The following TET1 variants were observed in gnomAD, a reference collection of about 807,000 sequenced individuals.
TET1 encodes the protein methylcytosine dioxygenase TET1.
Under a neutral mutation model 148.7 loss-of-function variants are expected in TET1, and 13 were observed. That is an observed-to-expected ratio of 0.09 (90% CI 0.06 to 0.14). The LOEUF is 0.14. Among genes scored for constraint, TET1 ranks in the 10% least tolerant of loss-of-function variants. The pLI is 1.00. For missense variants in TET1, 2,182 were observed against 2,553.8 expected, an observed-to-expected ratio of 0.85 and a Z score of 3.14; for synonymous variants, 907 against 937.2, an observed-to-expected ratio of 0.97 and a Z score of 0.59.
intron 3 of TET1, among the ~76,000 whole-genome samples, chr10:68,625,355 T>C (rs1220405398): frequency 6.6e-6 from 1 of 152,158 alleles, no homozygotes; most frequent in Admixed American, 6.6e-5. Flanking sequence ...TTATTAATAT[T>C]CAGATGTAGA....
At position 68,662,153 on chromosome 10, in the gene TET1, T is replaced by A. The variant is rs572480683; in HGVS notation, c.4462-4892T>A. Reference sequence around the variant, plus strand: ...GCCTCACAAATTGCTGGGACAGGCTTGAACCACTGTGCCCTGCCCTAATTT... The same window carrying A: ...GCCTCACAAATTGCTGGGACAGGCTAGAACCACTGTGCCCTGCCCTAATTT... On this transcript the variant is annotated intron_variant, in intron 6 of 11. Coordinates refer to ENST00000373644, the MANE Select transcript of TET1 (RefSeq NM_030625.3). Among the ~76,000 whole-genome samples, 5 of 149,622 alleles carry A rather than the reference T, an allele frequency of 3.3e-5. No individual in the cohort carries two copies. In the East Asian group the frequency reaches 5.9e-4, roughly 18 times the overall value.
intron 8 of TET1, among the ~76,000 whole-genome samples, chr10:68,679,876 G>A (rs186977807): frequency 1.3e-5 from 2 of 152,258 alleles, no homozygotes; most frequent in East Asian, 3.9e-4. Context: ...GTTTCACCTT[G>A]TTGGCCAGGC....
chr10:68,632,103 T>G (rs2054580724), intron 3 of TET1, among the ~76,000 whole-genome samples: 1 of 151,922 alleles, frequency 6.6e-6, no homozygotes, highest in South Asian at 2.1e-4. Flanking sequence ...GGCGGGTGGA[T>G]CACGATGTCA....
chr10:68,572,105 G>A (rs1191195222), intron 1 of TET1, 112 bp from the exon 2 acceptor site: 1 of 438,628 alleles, frequency 2.3e-6, no homozygotes, highest in Non-Finnish European at 4.0e-6. Context: ...GCAACAGAAT[G>A]AGACCCTGTC....
intron 6 of TET1, among the ~76,000 whole-genome samples, chr10:68,662,920 C>T (rs1317941321): frequency 4.0e-5 from 6 of 151,882 alleles, no homozygotes; most frequent in Non-Finnish European, 7.4e-5. Context: ...GACACTGTCT[C>T]CAAAAGGAAA....
chr10:68,660,626 C>G (rs2055093943), intron 6 of TET1, among the ~76,000 whole-genome samples: 2 of 142,466 alleles, frequency 1.4e-5, no homozygotes, highest in Middle Eastern at 4.5e-3. Context: ...ACAGGTGTGC[C>G]TGGCCAATTT....
intron 6 of TET1, among the ~76,000 whole-genome samples, chr10:68,656,172 T>A (rs2055018412): frequency 6.6e-6 from 1 of 152,172 alleles, no homozygotes; most frequent in South Asian, 2.1e-4. Flanking sequence ...TTATTATATA[T>A]TACAATGTAA....
chr10:68,639,443 T>G (rs1481410785), intron 3 of TET1, among the ~76,000 whole-genome samples: 1 of 79,648 alleles, frequency 1.3e-5, no homozygotes, highest in Admixed American at 1.4e-4. Context: ...TTACTATTAT[T>G]ATTACTACTA....
intron 6 of TET1, among the ~76,000 whole-genome samples, chr10:68,661,446 A>T (rs1313916413): frequency 6.6e-6 from 1 of 151,614 alleles, no homozygotes; most frequent in Non-Finnish European, 1.5e-5. Context: ...CTTAGAGATT[A>T]TAATTTTTAG....
At chr10:68,585,082 G>A (rs1194341399) in intron 2 of TET1, among the ~76,000 whole-genome samples, 2 of 152,108 alleles carry the variant, frequency 1.3e-5, no homozygotes, top group African/African-American at 4.8e-5. Flanking sequence ...TTGGCTCACT[G>A]AATCCTCTGC....
chr10:68,573,185 T>A lies in TET1; in HGVS notation c.847T>A (p.Ser283Thr). 6.2e-6 allele frequency: 10 copies of A among 1,614,162 alleles called. No homozygotes were observed. Among genetic ancestry groups the A allele is most frequent in the Non-Finnish European group, 8.5e-6 (10 of 1,180,014 alleles). ...LGSRVESLKL[S>T]DSYLDPIKSE... ...TTCACGAGTAGAATCTCTTAAGTTA[T>A]CTGATTCTTACCTGGATCCCATTAA... Residue 283 changes from serine to threonine, a missense_variant, in exon 2 of 12, where the codon TCT becomes ACT. Transcript: ENST00000373644.
At chr10:68,690,753 C>A in intron 11 of TET1, 55 bp from the exon 12 acceptor site, 1 of 1,498,744 alleles carries the variant, frequency 6.7e-7, no homozygotes, top group Admixed American at 2.2e-5. Context: ...TTTTAAAAGG[C>A]AACCCCTACC....
chr10:68,568,217 CTTTTTTTTTT>C (rs566751115), intron 1 of TET1, among the ~76,000 whole-genome samples: 1 of 93,810 alleles, frequency 1.1e-5, no homozygotes, highest in African/African-American at 4.2e-5. Flanking sequence ...CGCGCCCAGT[CTTTTTTTTTT>C]TTTTTTTTTT....
chr10:68,680,121 G>A (rs140037187), intron 8 of TET1, among the ~76,000 whole-genome samples: 4 of 152,114 alleles, frequency 2.6e-5, no homozygotes, highest in Non-Finnish European at 5.9e-5. Context: ...TCACACTTAC[G>A]GTTGCTAAGA....
At position 68,692,435 on chromosome 10, in the gene TET1, G is replaced by A; in HGVS notation, c.*621G>A. On this transcript the variant is annotated 3_prime_UTR_variant, in exon 12 of 12. Transcript: ENST00000373644. ...TAAATTGTAAATATATATTTTAAAA[G>A]CACTTTCTATTTTTAAAAGTAACTT... 1 of 231,858 alleles carries A rather than the reference G, an allele frequency of 4.3e-6. No individual in the cohort carries two copies. The allele number at this position is 231,858 out of a possible 1,614,324, so 14.4% of individuals were successfully genotyped here.
intron 3 of TET1, among the ~76,000 whole-genome samples, chr10:68,618,298 T>C (rs969278001): frequency 2.0e-5 from 3 of 152,120 alleles, no homozygotes; most frequent in Non-Finnish European, 4.4e-5. Context: ...GGTTACTGTA[T>C]GGTAAAATGT....
chr10:68,599,812 G>A (rs1368748181), intron 2 of TET1, among the ~76,000 whole-genome samples: 2 of 152,134 alleles, frequency 1.3e-5, no homozygotes, highest in Non-Finnish European at 2.9e-5. Flanking sequence ...CTTCTCGTAG[G>A]GGAGAAATTT....
At chr10:68,585,836 C>T (rs12776354) in intron 2 of TET1, among the ~76,000 whole-genome samples, 23,304 of 151,366 alleles carry the variant, frequency 0.15, 1,958 homozygotes, top group South Asian at 0.24. Flanking sequence ...GGTGAAACCC[C>T]GTCTCCACTA....
At chr10:68,616,736 C>CT (rs1188777558) in intron 3 of TET1, among the ~76,000 whole-genome samples, 1 of 150,898 alleles carries the variant, frequency 6.6e-6, no homozygotes, top group Non-Finnish European at 1.5e-5. Flanking sequence ...GAGACGGAGT[C>CT]TTGCTCTGTC....
Sources: allele counts gnomAD v4.1 joint callset (sites outside exome capture counted in the v4.1 genomes callset), GRCh38; gene constraint gnomAD v4.1.1; transcripts MANE v1.5; gene names NCBI Gene and HGNC (gene_info 2026-07-23, HGNC 2026-07-21).